ROR1: variants seen among roughly 807,000 people sequenced by gnomAD.
ROR1 encodes ROR family WNT receptor 1, also known as inactive tyrosine-protein kinase transmembrane receptor ROR1.
ROR1 carries 19 observed loss-of-function variants against 78.8 expected under a neutral mutation model. The observed-to-expected ratio is 0.24, with a 90% CI of 0.17 to 0.35. ROR1 has a LOEUF of 0.35. Ranked by LOEUF, ROR1 falls within the 10% of genes least tolerant of loss-of-function variation. The pLI is 1.00. For synonymous variants in ROR1, 386 were observed against 433.6 expected (o/e 0.89, Z 1.36); for missense variants, 917 against 1,177.8 (o/e 0.78, Z 3.24).
chr1:63,813,902 G>A (rs1644874765), intron 1 of ROR1, among the ~76,000 whole-genome samples: 1 of 152,202 alleles, frequency 6.6e-6, no homozygotes, highest in South Asian at 2.1e-4. Flanking sequence ...AAGCTCACAT[G>A]CTTAGCTTTT....
At chr1:63,802,777 C>T (rs745349564) in intron 1 of ROR1, among the ~76,000 whole-genome samples, 26 of 152,318 alleles carry the variant, frequency 1.7e-4, no homozygotes, top group Non-Finnish European at 2.5e-4. Context: ...TTAATCACCT[C>T]TAGCAACCTA....
intron 1 of ROR1, among the ~76,000 whole-genome samples, chr1:63,978,593 T>A (rs1412318982): frequency 6.6e-6 from 1 of 152,338 alleles, no homozygotes; most frequent in Non-Finnish European, 1.5e-5. Context: ...TATAGCGTTA[T>A]GCTTTGTAAA....
chr1:64,172,770 C>T (rs1250811987), intron 8 of ROR1, among the ~76,000 whole-genome samples: 1 of 152,140 alleles, frequency 6.6e-6, no homozygotes, highest in African/African-American at 2.4e-5. Context: ...AACTTTATGA[C>T]TTCATTTTCT....
intron 1 of ROR1, among the ~76,000 whole-genome samples, chr1:63,894,035 A>C (rs770055735): frequency 2.0e-5 from 3 of 152,132 alleles, no homozygotes; most frequent in Non-Finnish European, 4.4e-5. Flanking sequence ...AAATGCCAGC[A>C]TCACTACTCT....
At chr1:64,023,201 A>G (rs931109718) in intron 2 of ROR1, among the ~76,000 whole-genome samples, 1 of 152,160 alleles carries the variant, frequency 6.6e-6, no homozygotes, top group Admixed American at 6.5e-5. Context: ...TGAGTAACAG[A>G]AGGATGCTAG....
chr1:64,142,392 G>A lies in ROR1; in HGVS notation c.929-13G>A, dbSNP rs777199806. On this transcript the variant is annotated splice_polypyrimidine_tract_variant and intron_variant, in intron 6 of 8. Coordinates refer to ENST00000371079, the MANE Select transcript of ROR1 (RefSeq NM_005012.4). ...TTTCTTTCTAATTGTTTGGGTTTTT[G>A]TGTGTTTTTCAGATCACAAGTGTTA... 2.4e-5 allele frequency: 39 copies of A among 1,612,866 alleles called. 1 individual carries two copies. In the South Asian group the frequency reaches 3.8e-4, roughly 16 times the overall value.
chr1:63,989,143 C>T (rs1470221662), intron 1 of ROR1, among the ~76,000 whole-genome samples: 3 of 148,586 alleles, frequency 2.0e-5, no homozygotes, highest in Non-Finnish European at 3.0e-5. Flanking sequence ...CACATTTTTG[C>T]CAACACTTGT....
At chr1:63,933,587 C>T (rs1334497742) in intron 1 of ROR1, among the ~76,000 whole-genome samples, 1 of 152,182 alleles carries the variant, frequency 6.6e-6, no homozygotes, top group Non-Finnish European at 1.5e-5. Flanking sequence ...ATTTCTTGGG[C>T]AGAGATACTA....
intron 1 of ROR1, among the ~76,000 whole-genome samples, chr1:63,900,299 C>T (rs1352972919): frequency 6.6e-6 from 1 of 151,768 alleles, no homozygotes; most frequent in Non-Finnish European, 1.5e-5. Context: ...ACTAAAAATA[C>T]AAAAATTAGT....
chr1:63,884,931 G>A (rs989286903), intron 1 of ROR1, among the ~76,000 whole-genome samples: 1 of 152,014 alleles, frequency 6.6e-6, no homozygotes, highest in African/African-American at 2.4e-5. Context: ...TCTGGAACCA[G>A]ACTGCCTTCA....
chr1:64,052,768 T>C (rs1388875656), intron 4 of ROR1, among the ~76,000 whole-genome samples: 1 of 152,192 alleles, frequency 6.6e-6, no homozygotes, highest in Non-Finnish European at 1.5e-5. Flanking sequence ...AAAATACAAT[T>C]CAAATTGGAA....
intron 1 of ROR1, among the ~76,000 whole-genome samples, chr1:63,850,899 C>T (rs1289670803): frequency 6.6e-6 from 1 of 152,122 alleles, no homozygotes; most frequent in Non-Finnish European, 1.5e-5. Context: ...TTGCACTGGC[C>T]AGTGAATTCA....
At chr1:64,093,090 G>A (rs1647216696) in intron 4 of ROR1, among the ~76,000 whole-genome samples, 1 of 152,124 alleles carries the variant, frequency 6.6e-6, no homozygotes, top group African/African-American at 2.4e-5. Flanking sequence ...AGCAACGCCG[G>A]GTTGTTCATC....
At chr1:63,886,252 G>A (rs1474448406) in intron 1 of ROR1, among the ~76,000 whole-genome samples, 7 of 152,170 alleles carry the variant, frequency 4.6e-5, no homozygotes. Context: ...CTCACCTCCT[G>A]CTGTGCAACC....
At chr1:63,941,380 G>C (rs1472842825) in intron 1 of ROR1, among the ~76,000 whole-genome samples, 3 of 152,146 alleles carry the variant, frequency 2.0e-5, no homozygotes, top group Non-Finnish European at 4.4e-5. Flanking sequence ...TCACAAGTCT[G>C]GGTAGATAAA....
At chr1:64,111,601 C>T (rs1296951183) in intron 4 of ROR1, among the ~76,000 whole-genome samples, 2 of 152,136 alleles carry the variant, frequency 1.3e-5, no homozygotes, top group South Asian at 2.1e-4. Context: ...GTACATTGTC[C>T]GTGGCTCCAC....
chr1:63,911,615 C>T (rs1287853582), intron 1 of ROR1, among the ~76,000 whole-genome samples: 2 of 149,994 alleles, frequency 1.3e-5, no homozygotes, highest in African/African-American at 4.9e-5. Context: ...GAAAAACTGT[C>T]TTTCATGAAA....
At chr1:63,864,964 A>G (rs1452611173) in intron 1 of ROR1, among the ~76,000 whole-genome samples, 1 of 151,630 alleles carries the variant, frequency 6.6e-6, no homozygotes, top group East Asian at 1.9e-4. Flanking sequence ...TCAGTTTCCC[A>G]TTTAACTTTT....
intron 1 of ROR1, among the ~76,000 whole-genome samples, chr1:63,850,490 A>C (rs1421413194): frequency 6.6e-6 from 1 of 152,250 alleles, no homozygotes; most frequent in Non-Finnish European, 1.5e-5. Flanking sequence ...ACAGGATATA[A>C]GTTCCCGTTG....
Sources: allele counts gnomAD v4.1 joint callset (sites outside exome capture counted in the v4.1 genomes callset), GRCh38; gene constraint gnomAD v4.1.1; transcripts MANE v1.5; gene names NCBI Gene and HGNC (gene_info 2026-07-23, HGNC 2026-07-21).